GLRA3: variants seen among roughly 807,000 people sequenced by gnomAD.
GLRA3 encodes the protein glycine receptor alpha 3.
In GLRA3, 44 loss-of-function variants were observed where a neutral mutation model predicts 60.4. The observed-to-expected ratio is 0.73, with a 90% CI of 0.57 to 0.94. The LOEUF (loss-of-function observed/expected upper bound fraction) is 0.94. Ranked by LOEUF, GLRA3 falls within the 40% of genes least tolerant of loss-of-function variation. The pLI is 0.00. For missense variants in GLRA3, 508 were observed against 564.6 expected (o/e 0.90, Z 1.02); for synonymous variants, 223 against 192.9 (o/e 1.16, Z -1.29).
At chr4:174,828,219 C>T (rs150248469) in intron 1 of GLRA3, among the ~76,000 whole-genome samples, 1,804 of 152,124 alleles carry the variant, frequency 0.012, 37 homozygotes, top group African/African-American at 0.041. Flanking sequence ...TCATGTATTA[C>T]CTGAGCTAGG....
chr4:174,827,843 G>A (rs1030788061), intron 1 of GLRA3, among the ~76,000 whole-genome samples: 1 of 151,900 alleles, frequency 6.6e-6, no homozygotes, highest in Non-Finnish European at 1.5e-5. Flanking sequence ...ATATAACTTA[G>A]TTACTCTAGT....
chr4:174,650,357 C>T (rs1012737982), intron 9 of GLRA3, among the ~76,000 whole-genome samples: 3 of 152,138 alleles, frequency 2.0e-5, no homozygotes, highest in Non-Finnish European at 4.4e-5. Context: ...CCAAGCTGGT[C>T]CCTCTGAGGT....
rs769383276 is a variant in GLRA3 at position 174,728,499 on chromosome 4, T to C, written c.467A>G (p.Asn156Ser). The part of the protein sequence containing the change: ...TDNKLLRIFK[N>S]GNVLYSIRLT... ...CCTTATTGAATAAAGAACATTTCCA[T>C]TTTTGAAAATTCTTAGCAATTTGTT... The change falls in exon 4 of 10, where the codon AAT becomes AGT. Residue 156 changes from asparagine (N) to serine (S), a missense_variant. Asn to Ser is a conservative substitution (Grantham distance 46). This residue lies in a region of GLRA3 where 329 missense variants were observed against 349.3 expected (regional missense o/e 0.94). Coordinates refer to ENST00000274093, the MANE Select transcript of GLRA3 (RefSeq NM_006529.4). 1.2e-6 allele frequency: 2 copies of C among 1,603,490 alleles called. No individual in the cohort carries two copies. Among genetic ancestry groups the C allele is most frequent in the Non-Finnish European group, 1.7e-6 (2 of 1,170,844 alleles).
chr4:174,764,556 CA>C (rs370090291), intron 3 of GLRA3, among the ~76,000 whole-genome samples: 70 of 148,210 alleles, frequency 4.7e-4, no homozygotes, highest in Middle Eastern at 3.5e-3. Flanking sequence ...GACTCCGTCT[CA>C]AAAAAAAAAA....
At chr4:174,820,546 C>T (rs1740703275) in intron 1 of GLRA3, among the ~76,000 whole-genome samples, 1 of 152,128 alleles carries the variant, frequency 6.6e-6, no homozygotes, top group Non-Finnish European at 1.5e-5. Context: ...ATATGTGGCA[C>T]TGGCACACAG....
In GLRA3 at chr4:174,715,475, G is replaced by C. The variant is rs72706199; in HGVS notation, c.574+13C>G. ...TGTAAAAGTATTTTAAAAAGTAAGTGGTTCATACTTACAGCTTTCCAGTTG... is the reference window on the plus strand; with the variant it reads ...TGTAAAAGTATTTTAAAAAGTAAGTCGTTCATACTTACAGCTTTCCAGTTG... On this transcript the variant is annotated intron_variant, in intron 5 of 9. Coordinates refer to ENST00000274093, the MANE Select transcript of GLRA3 (RefSeq NM_006529.4). The C allele has an allele frequency of 3.1e-3, 3,937 of 1,254,412 alleles. 10 individuals carry two copies. The highest frequency in any genetic ancestry group is 3.9e-3 in the Non-Finnish European group (3,344 of 861,310). The allele number at this position is 1,254,412 out of a possible 1,614,324, so 77.7% of individuals were successfully genotyped here.
At chr4:174,812,723 A>G (rs989850263) in intron 1 of GLRA3, among the ~76,000 whole-genome samples, 13 of 152,180 alleles carry the variant, frequency 8.5e-5, no homozygotes, top group African/African-American at 2.7e-4. Flanking sequence ...GTTTAGCAAG[A>G]TGCCATCACT....
At chr4:174,828,025 G>T (rs969544489) in intron 1 of GLRA3, among the ~76,000 whole-genome samples, 1 of 152,132 alleles carries the variant, frequency 6.6e-6, no homozygotes, top group African/African-American at 2.4e-5. Flanking sequence ...CTGATCCTTT[G>T]TCTAGCTCTC....
chr4:174,673,171 G>A (rs1357098199), intron 7 of GLRA3, among the ~76,000 whole-genome samples: 1 of 152,028 alleles, frequency 6.6e-6, no homozygotes, highest in African/African-American at 2.4e-5. Flanking sequence ...AAAATAAAGG[G>A]TAAGGTGTAT....
chr4:174,712,990 A>G (rs756727826), intron 5 of GLRA3, among the ~76,000 whole-genome samples: 2 of 103,860 alleles, frequency 1.9e-5, no homozygotes, highest in African/African-American at 2.9e-5. Flanking sequence ...AGTATATTAC[A>G]TGTGAGTGTG....
At position 174,639,755 on chromosome 4, in the gene GLRA3, T is replaced by C. The variant is rs1400051151; in HGVS notation, c.*4031A>G. 1.3e-5 allele frequency: 2 copies of C among 152,084 alleles called. No individual in the cohort carries two copies. Among genetic ancestry groups the C allele is most frequent in the Non-Finnish European group, 2.9e-5 (2 of 67,970 alleles). The allele number at this position is 152,084 out of a possible 1,614,324, so 9.4% of individuals were successfully genotyped here. Reference sequence around the variant, plus strand: ...TGGGGGCTGAGATAAAAGTTTAATTTTAAAGTTAATTAAATTAATGCAATT... The same window carrying C: ...TGGGGGCTGAGATAAAAGTTTAATTCTAAAGTTAATTAAATTAATGCAATT... On this transcript the variant is annotated 3_prime_UTR_variant, in exon 10 of 10. Transcript: ENST00000274093.
intron 5 of GLRA3, among the ~76,000 whole-genome samples, chr4:174,708,564 T>C (rs1232310353): frequency 6.6e-6 from 1 of 151,772 alleles, no homozygotes; most frequent in Non-Finnish European, 1.5e-5. Context: ...TTTCTTATAT[T>C]GTCTTTTCAA....
chr4:174,805,063 T>A (rs941262146), intron 1 of GLRA3, among the ~76,000 whole-genome samples: 25 of 152,274 alleles, frequency 1.6e-4, no homozygotes, highest in African/African-American at 6.0e-4. Flanking sequence ...TGTGCAAGCT[T>A]CCAGCTTGCT....
chr4:174,649,836 T>TA (rs928051350), intron 9 of GLRA3, among the ~76,000 whole-genome samples: 47 of 144,310 alleles, frequency 3.3e-4, no homozygotes, highest in South Asian at 6.5e-4. Flanking sequence ...GTCTCATTGG[T>TA]AAAAAAAAAA....
chr4:174,764,749 A>G (rs1738074869), intron 3 of GLRA3, among the ~76,000 whole-genome samples: 2 of 152,066 alleles, frequency 1.3e-5, no homozygotes, highest in Admixed American at 1.3e-4. Context: ...ACCAAGTGGG[A>G]GCAAAACATT....
chr4:174,789,902 A>G (rs76191024), intron 1 of GLRA3, among the ~76,000 whole-genome samples: 4 of 152,322 alleles, frequency 2.6e-5, no homozygotes, highest in Non-Finnish European at 4.4e-5. Context: ...GACATTGCCA[A>G]ATCAAACCAT....
At chr4:174,673,627 A>G (rs1733992421) in intron 7 of GLRA3, among the ~76,000 whole-genome samples, 1 of 152,098 alleles carries the variant, frequency 6.6e-6, no homozygotes, top group Non-Finnish European at 1.5e-5. Flanking sequence ...AAGCACAAAT[A>G]TATCTTCTTT....
intron 7 of GLRA3, among the ~76,000 whole-genome samples, chr4:174,660,445 G>A (rs1733391636): frequency 6.6e-6 from 1 of 151,808 alleles, no homozygotes; most frequent in Non-Finnish European, 1.5e-5. Context: ...TTCAGATGAT[G>A]GATTTTTAGT....
intron 3 of GLRA3, among the ~76,000 whole-genome samples, chr4:174,732,103 TC>T (rs1285759732): frequency 6.6e-6 from 1 of 152,214 alleles, no homozygotes; most frequent in African/African-American, 2.4e-5. Flanking sequence ...ATGCCTTTAA[TC>T]CCAGCACTTC....
Sources: allele counts gnomAD v4.1 joint callset (sites outside exome capture counted in the v4.1 genomes callset), GRCh38; gene constraint gnomAD v4.1.1; regional missense constraint gnomAD v4.1.1; transcripts MANE v1.5; gene names NCBI Gene and HGNC (gene_info 2026-07-23, HGNC 2026-07-21).